GRAMD2B: variants seen among roughly 807,000 people sequenced by gnomAD.
The protein encoded by GRAMD2B is GRAM domain-containing protein 2B.
GRAMD2B carries 41 observed loss-of-function variants against 59.2 expected under a neutral mutation model. The ratio of observed to expected loss-of-function variants is 0.69; its 90% CI spans 0.54 to 0.90. The LOEUF is 0.90. Among genes scored for constraint, GRAMD2B ranks in the 40% least tolerant of loss-of-function variants. The pLI is 0.00. For synonymous variants in GRAMD2B, 161 were observed against 182.7 expected, an observed-to-expected ratio of 0.88 and a Z score of 0.96; for missense variants, 424 against 500.5, an observed-to-expected ratio of 0.85 and a Z score of 1.46.
intron 1 of GRAMD2B, among the ~76,000 whole-genome samples, chr5:126,363,129 CAAAT>C (rs1301658743): frequency 2.6e-5 from 4 of 152,192 alleles, no homozygotes; most frequent in South Asian, 2.1e-4. Flanking sequence ...AATAAAAAGA[CAAAT>C]AACCCAATTT....
chr5:126,413,440 C>A (rs1758996655), intron 1 of GRAMD2B, among the ~76,000 whole-genome samples: 1 of 151,940 alleles, frequency 6.6e-6, no homozygotes, highest in African/African-American at 2.4e-5. Flanking sequence ...AATCGATTTT[C>A]ATTTTTATTC....
In GRAMD2B at chr5:126,389,518, A is replaced by AAG. The variant is rs368925777; in HGVS notation, c.125+17954_125+17955dup. 4.5e-3 allele frequency among the ~76,000 whole-genome samples: 685 copies of AAG among 152,334 alleles called. 8 individuals carry two copies. The highest frequency in any genetic ancestry group is 0.016 in the African/African-American group (651 of 41,576). Reference sequence around the variant, plus strand: ...TGTTTTATAGTCTTCTATTCTTAGTAAGAGCCCCTGAATGGTTTTTTTATT... The same window carrying AAG: ...TGTTTTATAGTCTTCTATTCTTAGTAAGAGAGCCCCTGAATGGTTTTTTTATT... On this transcript the variant is annotated intron_variant, in intron 1 of 8. Transcript: ENST00000506445.
chr5:126,400,509 TTA>T (rs903871169), intron 1 of GRAMD2B, among the ~76,000 whole-genome samples: 1 of 81,856 alleles, frequency 1.2e-5, no homozygotes, highest in African/African-American at 3.7e-5. Flanking sequence ...AATCACAAGA[TTA>T]GAGTATTCTG....
rs561749930 is a variant in GRAMD2B, at chr5:126,397,020, GTTGT to G, written c.125+25463_125+25466del. Among the ~76,000 whole-genome samples the G allele has an allele frequency of 1.2e-3, 188 of 152,164 alleles. 2 individuals are homozygous for G. The highest frequency in any genetic ancestry group is 4.0e-3 in the African/African-American group (164 of 41,506). On this transcript the variant is annotated intron_variant, in intron 1 of 8. Transcript: ENST00000506445. ...TGTCCTCTGCCCACTTTTTAATGGG[GTTGT>G]TTGTTTGTTGTTTGTTTCTTGTAAA...
intron 1 of GRAMD2B, among the ~76,000 whole-genome samples, chr5:126,458,515 T>TA (rs1420764652): frequency 6.6e-6 from 1 of 152,044 alleles, no homozygotes; most frequent in Non-Finnish European, 1.5e-5. Context: ...CTCATCTTTG[T>TA]ACGTTCATGG....
At chr5:126,453,128 A>C (rs937440187) in intron 1 of GRAMD2B, among the ~76,000 whole-genome samples, 1 of 152,218 alleles carries the variant, frequency 6.6e-6, no homozygotes, top group Non-Finnish European at 1.5e-5. Context: ...TGAGGTCAGG[A>C]GTTCAAGACC....
At chr5:126,466,267 C>CT (rs1223624695) in intron 2 of GRAMD2B, 1 of 1,550,442 alleles carries the variant, frequency 6.4e-7, no homozygotes, top group Admixed American at 2.0e-5. Context: ...ATTAACTCCG[C>CT]TTTTTGCTTC....
intron 1 of GRAMD2B, 33 bp from the exon 2 acceptor site, chr5:126,465,393 G>T: frequency 6.2e-7 from 1 of 1,613,620 alleles, no homozygotes; most frequent in Non-Finnish European, 8.5e-7. Context: ...CTCTCTGAAT[G>T]TCTAAAGTGA....
At chr5:126,377,322 A>T (rs772578674) in intron 1 of GRAMD2B, among the ~76,000 whole-genome samples, 2 of 151,854 alleles carry the variant, frequency 1.3e-5, no homozygotes, top group Non-Finnish European at 2.9e-5. Context: ...ACCACTTATC[A>T]GAATGTATTG....
intron 1 of GRAMD2B, among the ~76,000 whole-genome samples, chr5:126,389,305 T>G (rs947236114): frequency 6.6e-6 from 1 of 152,188 alleles, no homozygotes; most frequent in Non-Finnish European, 1.5e-5. Context: ...TTGAAATACC[T>G]TTGGCTGGTT....
At chr5:126,392,919 A>G (rs1296418725) in intron 1 of GRAMD2B, among the ~76,000 whole-genome samples, 2 of 152,320 alleles carry the variant, frequency 1.3e-5, no homozygotes, top group East Asian at 3.9e-4. Context: ...CTGAATTAGA[A>G]TCTATTTGAA....
intron 1 of GRAMD2B, among the ~76,000 whole-genome samples, chr5:126,464,536 CTGTT>C (rs1445496316): frequency 2.6e-5 from 4 of 152,330 alleles, no homozygotes; most frequent in African/African-American, 7.2e-5. Context: ...TGGTTGTCCT[CTGTT>C]TGTTGGTTCT....
intron 13 of GRAMD2B, among the ~76,000 whole-genome samples, chr5:126,492,434 T>C (rs956442745): frequency 6.6e-6 from 1 of 151,996 alleles, no homozygotes; most frequent in Non-Finnish European, 1.5e-5. Context: ...TTAAAGTGGA[T>C]TGTCAGCTGG....
At chr5:126,388,991 A>G (rs1756451215) in intron 1 of GRAMD2B, among the ~76,000 whole-genome samples, 1 of 152,176 alleles carries the variant, frequency 6.6e-6, no homozygotes, top group South Asian at 2.1e-4. Flanking sequence ...CCTGACTGGT[A>G]CCTCCTAAAT....
intron 1 of GRAMD2B, among the ~76,000 whole-genome samples, chr5:126,447,962 C>T (rs1021045797): frequency 3.3e-5 from 5 of 151,820 alleles, no homozygotes. Flanking sequence ...CAGGTTCAAG[C>T]AATTCTTCTG....
chr5:126,363,002 G>A (rs1284440962), intron 1 of GRAMD2B, among the ~76,000 whole-genome samples: 3 of 152,146 alleles, frequency 2.0e-5, no homozygotes, highest in Non-Finnish European at 4.4e-5. Flanking sequence ...TTTCTTTGGT[G>A]CTTCAAAGGA....
In GRAMD2B at chr5:126,380,100, C is replaced by T. The variant is rs113621579; in HGVS notation, c.125+8533C>T. On this transcript the variant is annotated intron_variant, in intron 1 of 8. Transcript: ENST00000506445. Reference sequence around the variant, plus strand: ...GATTTTTATATAAGGTGGGAGATGACGATACAGTTTCATTCTTCTGCATGT... The same window carrying T: ...GATTTTTATATAAGGTGGGAGATGATGATACAGTTTCATTCTTCTGCATGT... Among the ~76,000 whole-genome samples the T allele has an allele frequency of 4.1e-3, 629 of 152,062 alleles. 2 individuals are homozygous for T. Among genetic ancestry groups the T allele is most frequent in the African/African-American group, 0.014 (580 of 41,526 alleles).
chr5:126,367,912 C>T (rs977305273), upstream of GRAMD2B, among the ~76,000 whole-genome samples: 4 of 152,044 alleles, frequency 2.6e-5, no homozygotes, highest in Admixed American at 1.3e-4. Flanking sequence ...CCACCACGCC[C>T]GGCTAATTGT....
intron 1 of GRAMD2B, among the ~76,000 whole-genome samples, chr5:126,434,270 T>C (rs1762042672): frequency 6.6e-6 from 1 of 152,200 alleles, no homozygotes; most frequent in South Asian, 2.1e-4. Context: ...GGTGTTGGTA[T>C]GTCATAAGTA....
Sources: allele counts gnomAD v4.1 joint callset (sites outside exome capture counted in the v4.1 genomes callset), GRCh38; gene constraint gnomAD v4.1.1; transcripts MANE v1.5; gene names NCBI Gene and HGNC (gene_info 2026-07-23, HGNC 2026-07-21).